FCHSD2: variants seen among roughly 807,000 people sequenced by gnomAD.
FCHSD2 encodes the protein FCH and double SH3 domains 2.
Under a neutral mutation model 108.1 loss-of-function variants are expected in FCHSD2, and 38 were observed. The observed-to-expected ratio is 0.35, with a 90% CI of 0.27 to 0.46. The LOEUF is 0.46. Ranked by LOEUF, FCHSD2 falls within the 20% of genes least tolerant of loss-of-function variation. The pLI is 1.00. For missense variants in FCHSD2, 751 were observed against 897.8 expected, an observed-to-expected ratio of 0.84 and a Z score of 2.09; for synonymous variants, 279 against 314.7, an observed-to-expected ratio of 0.89 and a Z score of 1.20.
intron 12 of FCHSD2, among the ~76,000 whole-genome samples, chr11:72,884,556 T>G (rs1855157865): frequency 6.8e-6 from 1 of 146,186 alleles, no homozygotes; most frequent in Non-Finnish European, 1.5e-5. Flanking sequence ...ATATATAGTT[T>G]ATATATATGA....
chr11:73,093,613 T>G (rs1468618390), intron 2 of FCHSD2, among the ~76,000 whole-genome samples: 6 of 152,066 alleles, frequency 3.9e-5, no homozygotes, highest in Non-Finnish European at 7.4e-5. Context: ...GATTTCTTTT[T>G]TTTTTGAGAC....
chr11:72,849,829 C>T lies in FCHSD2; in HGVS notation c.1369G>A (p.Asp457Asn), dbSNP rs576568698. The T allele has an allele frequency of 2.4e-5, 38 of 1,612,732 alleles. No individual in the cohort carries two copies. The Admixed American group carries it at 2.5e-4, about 11-fold the overall frequency. ...EEFEDNMDVF[D>N]DSSSSPSGTL... is the part of the protein sequence containing the mutation. ...CCAGAAGGGCTGGAACTGCTGTCAT[C>T]GAAAACATCCATGTTATCTTCAAAC... Residue 457 changes from aspartate (D) to asparagine (N), a missense_variant, in exon 14 of 20, where the codon GAT (aspartate) becomes AAT (asparagine). Coordinates refer to ENST00000409418, the MANE Select transcript of FCHSD2 (RefSeq NM_014824.3).
intron 3 of FCHSD2, among the ~76,000 whole-genome samples, chr11:73,052,395 T>G (rs1048017442): frequency 2.4e-4 from 36 of 152,152 alleles, no homozygotes; most frequent in Non-Finnish European, 2.9e-5. Flanking sequence ...ATTGAGAAAC[T>G]CTTGGTATAA....
chr11:73,071,175 C>G (rs1473552204), intron 3 of FCHSD2, among the ~76,000 whole-genome samples: 1 of 152,176 alleles, frequency 6.6e-6, no homozygotes, highest in Non-Finnish European at 1.5e-5. Context: ...TAGCTAATAC[C>G]TTCTGTCATC....
In FCHSD2 at chr11:72,854,903, C is replaced by T. The variant is rs542346268; in HGVS notation, c.1309-5014G>A. Reference sequence around the variant, plus strand: ...CTGTAATCCCAGCACTTTGGGAGGCCGAGGCAGGCAGATCACGTAAGGTCA... The same window carrying T: ...CTGTAATCCCAGCACTTTGGGAGGCTGAGGCAGGCAGATCACGTAAGGTCA... On this transcript the variant is annotated intron_variant, in intron 13 of 19. Coordinates refer to ENST00000409418, the MANE Select transcript of FCHSD2 (RefSeq NM_014824.3). Among the ~76,000 whole-genome samples, 18 of 151,998 alleles carry T rather than the reference C, an allele frequency of 1.2e-4. No homozygotes were observed. In the South Asian group the frequency reaches 2.3e-3, roughly 19 times the overall value.
At chr11:73,117,368 G>A (rs1222455234) in intron 2 of FCHSD2, among the ~76,000 whole-genome samples, 1 of 152,054 alleles carries the variant, frequency 6.6e-6, no homozygotes, top group Non-Finnish European at 1.5e-5. Flanking sequence ...ACATAATAAT[G>A]CATGATTTAT....
rs115736450 is a variant in FCHSD2 at position 72,953,669 on chromosome 11, C to A, written c.705+30419G>T. Among the ~76,000 whole-genome samples the A allele has an allele frequency of 1.2e-3, 177 of 150,628 alleles. 1 individual carries two copies. The highest frequency in any genetic ancestry group is 4.2e-3 in the African/African-American group (171 of 41,176). ...AAACTCTTGCTCTTAAATGTTATGGCAGGTTGTAATAAATACAATAAACAT... is the reference window on the plus strand; with the variant it reads ...AAACTCTTGCTCTTAAATGTTATGGAAGGTTGTAATAAATACAATAAACAT... On this transcript the variant is annotated intron_variant, in intron 8 of 19. Coordinates refer to ENST00000409418, the MANE Select transcript of FCHSD2 (RefSeq NM_014824.3).
chr11:72,989,845 T>C (rs1857377275), intron 5 of FCHSD2, among the ~76,000 whole-genome samples: 1 of 152,154 alleles, frequency 6.6e-6, no homozygotes, highest in African/African-American at 2.4e-5. Flanking sequence ...CTTAGAGCAG[T>C]TACATCTAAA....
intron 4 of FCHSD2, among the ~76,000 whole-genome samples, chr11:73,007,641 G>A (rs1484269028): frequency 6.6e-6 from 1 of 152,052 alleles, no homozygotes; most frequent in African/African-American, 2.4e-5. Context: ...GGGAAAAAGA[G>A]AAAGGAAAAG....
chr11:72,988,360 G>A (rs1277392155), intron 6 of FCHSD2, among the ~76,000 whole-genome samples: 1 of 152,032 alleles, frequency 6.6e-6, no homozygotes, highest in Non-Finnish European at 1.5e-5. Context: ...ATTACCAGTT[G>A]CCAGTTCCTT....
chr11:72,935,321 C>A (rs1462494488), intron 8 of FCHSD2, among the ~76,000 whole-genome samples: 1 of 152,096 alleles, frequency 6.6e-6, no homozygotes, highest in African/African-American at 2.4e-5. Context: ...TTATTTAGAT[C>A]CAGGAGGGGC....
intron 2 of FCHSD2, among the ~76,000 whole-genome samples, chr11:73,103,901 A>T (rs1860280247): frequency 1.3e-5 from 2 of 152,358 alleles, no homozygotes; most frequent in East Asian, 1.9e-4. Flanking sequence ...AACAGCCTTT[A>T]AATTTTTTAA....
chr11:72,955,230 G>A (rs1019308677), intron 8 of FCHSD2, among the ~76,000 whole-genome samples: 1 of 152,146 alleles, frequency 6.6e-6, no homozygotes, highest in African/African-American at 2.4e-5. Context: ...TCTTAGGGTC[G>A]ATTAGTTTGC....
chr11:72,884,354 A>C lies in FCHSD2; in HGVS notation c.1146+3116T>G, dbSNP rs369024565. On this transcript the variant is annotated intron_variant, in intron 12 of 19. Transcript: ENST00000409418. ...TCTTCATATTTTCTGTATGTTTGAA[A>C]ATTTTCAGTAAAAAAATAAAAGTGA... Among the ~76,000 whole-genome samples the C allele has an allele frequency of 2.6e-5, 4 of 152,128 alleles. No individual in the cohort carries two copies. The East Asian group carries it at 7.7e-4, about 29-fold the overall frequency.
intron 3 of FCHSD2, among the ~76,000 whole-genome samples, chr11:73,034,686 C>T (rs1748054144): frequency 6.6e-6 from 1 of 152,142 alleles, no homozygotes; most frequent in Non-Finnish European, 1.5e-5. Flanking sequence ...TGAAGTTTCC[C>T]AATTTTTTTC....
chr11:72,882,932 G>A (rs1255525457), intron 12 of FCHSD2, among the ~76,000 whole-genome samples: 2 of 152,160 alleles, frequency 1.3e-5, no homozygotes, highest in Non-Finnish European at 2.9e-5. Context: ...GACTTACAAT[G>A]TCATTAAGAC....
At chr11:72,959,275 G>A (rs1856777373) in intron 8 of FCHSD2, among the ~76,000 whole-genome samples, 1 of 118,412 alleles carries the variant, frequency 8.4e-6, no homozygotes, top group African/African-American at 3.2e-5. Flanking sequence ...TGTTGCCCAG[G>A]CTGGAGTGCA....
chr11:72,866,148 T>C (rs545198293), intron 13 of FCHSD2, among the ~76,000 whole-genome samples: 2 of 152,312 alleles, frequency 1.3e-5, no homozygotes, highest in African/African-American at 4.8e-5. Context: ...GGGCCTGGAA[T>C]TTGCTGTCAT....
chr11:72,931,275 T>TTC (rs1856186555), intron 8 of FCHSD2, among the ~76,000 whole-genome samples: 1 of 145,336 alleles, frequency 6.9e-6, no homozygotes, highest in African/African-American at 2.5e-5. Flanking sequence ...TTGTGGGTTT[T>TTC]TTTTTTTTTT....
Sources: allele counts gnomAD v4.1 joint callset (sites outside exome capture counted in the v4.1 genomes callset), GRCh38; gene constraint gnomAD v4.1.1; transcripts MANE v1.5; gene names NCBI Gene and HGNC (gene_info 2026-07-23, HGNC 2026-07-21).